DNER: variants seen among roughly 807,000 people sequenced by gnomAD.
DNER encodes delta/notch like EGF repeat containing.
DNER carries 33 observed loss-of-function variants against 78.2 expected under a neutral mutation model. The ratio of observed to expected loss-of-function variants is 0.42; its 90% confidence interval spans 0.32 to 0.56. The LOEUF (loss-of-function observed/expected upper bound fraction) is 0.56, where lower values mean the gene tolerates loss of function less well. DNER is among the 20% of genes least tolerant of loss of function. DNER has a pLI of 0.11. For missense variants in DNER, 918 were observed against 975.3 expected (o/e 0.94, Z 0.78); for synonymous variants, 417 against 384.8 (o/e 1.08, Z -0.98).
At chr2:229,471,454 C>A (rs114216725) in intron 7 of DNER, among the ~76,000 whole-genome samples, 1 of 152,156 alleles carries the variant, frequency 6.6e-6, no homozygotes, top group Admixed American at 6.5e-5. Flanking sequence ...CCCAGGCATT[C>A]CCTAGAGTTA....
rs1310755860 is a variant in DNER at position 229,396,841 on chromosome 2, A to T, written c.1724-8445T>A. Among the ~76,000 whole-genome samples, 3 of 152,194 alleles carry T rather than the reference A, an allele frequency of 2.0e-5. No homozygotes were observed. The East Asian group carries it at 5.8e-4, about 29-fold the overall frequency. ...ACAAAGGGGAAAATTATGCCAGGGC[A>T]ACAAAAAGTACCTCTGAGACTCTGG... On this transcript the variant is annotated intron_variant, in intron 10 of 12. Transcript: ENST00000341772.
chr2:229,514,230 G>C (rs1695926793), intron 5 of DNER, among the ~76,000 whole-genome samples: 1 of 152,098 alleles, frequency 6.6e-6, no homozygotes, highest in Non-Finnish European at 1.5e-5. Flanking sequence ...CTAGGGTTTT[G>C]TTTCCAGTTA....
intron 1 of DNER, among the ~76,000 whole-genome samples, chr2:229,602,525 C>G (rs926369208): frequency 1.3e-5 from 2 of 152,038 alleles, no homozygotes; most frequent in African/African-American, 2.4e-5. Context: ...TAAGGATCCA[C>G]TAAGAAAATA....
At chr2:229,696,870 A>G (rs545955334) in intron 1 of DNER, among the ~76,000 whole-genome samples, 12 of 152,298 alleles carry the variant, frequency 7.9e-5, no homozygotes, top group African/African-American at 2.9e-4. Context: ...GCTGCAAGTA[A>G]CCATCCAGGG....
intron 1 of DNER, among the ~76,000 whole-genome samples, chr2:229,656,879 A>G (rs1698921089): frequency 6.6e-6 from 1 of 152,180 alleles, no homozygotes; most frequent in African/African-American, 2.4e-5. Flanking sequence ...AGAAATTAAA[A>G]TTGTATATAT....
intron 7 of DNER, among the ~76,000 whole-genome samples, chr2:229,465,588 T>TAAAAAAAAAAAAAAAA (rs902988159): frequency 6.6e-6 from 1 of 150,780 alleles, no homozygotes; most frequent in African/African-American, 2.4e-5. Flanking sequence ...AAATAACATT[T>TAAAAAAAAAAAAAAAA]AAAAAAAAAT....
chr2:229,474,849 G>A (rs532133038), intron 7 of DNER, among the ~76,000 whole-genome samples: 4 of 152,008 alleles, frequency 2.6e-5, no homozygotes, highest in South Asian at 2.1e-4. Flanking sequence ...TTCCAAATCC[G>A]TCTGCCTCTC....
At chr2:229,689,429 C>T (rs933680988) in intron 1 of DNER, among the ~76,000 whole-genome samples, 1 of 152,078 alleles carries the variant, frequency 6.6e-6, no homozygotes, top group African/African-American at 2.4e-5. Context: ...TGTTTCTGCA[C>T]ACAATTTATT....
Position 229,566,177 on chromosome 2 carries a change from G to A in DNER, c.848-19085C>T, listed in dbSNP as rs184729438. On this transcript the variant is annotated intron_variant, in intron 4 of 12. Coordinates refer to ENST00000341772, the MANE Select transcript of DNER (RefSeq NM_139072.4). ...GAATCAGGTCTTCAGATGAGCTAAC[G>A]TGAAAAGCTGTTGATTGACATGTTT... Among the ~76,000 whole-genome samples the A allele has an allele frequency of 1.1e-3, 165 of 152,288 alleles. 1 individual carries two copies. The highest frequency in any genetic ancestry group is 2.8e-4 in the Non-Finnish European group (19 of 68,030).
At chr2:229,525,376 G>A (rs938739896) in intron 5 of DNER, among the ~76,000 whole-genome samples, 4 of 152,098 alleles carry the variant, frequency 2.6e-5, no homozygotes, top group Non-Finnish European at 5.9e-5. Flanking sequence ...GCTGACATAA[G>A]GAATCACTGT....
At chr2:229,587,733 C>A (rs1697528805) in intron 3 of DNER, among the ~76,000 whole-genome samples, 1 of 152,018 alleles carries the variant, frequency 6.6e-6, no homozygotes, top group Admixed American at 6.5e-5. Flanking sequence ...GCCTGGGGCA[C>A]CCTAATACTG....
intron 6 of DNER, among the ~76,000 whole-genome samples, chr2:229,489,615 G>T (rs55942296): frequency 0.25 from 38,373 of 151,618 alleles, 5,031 homozygotes; most frequent in South Asian, 0.32. Context: ...GTGCTGAGGT[G>T]AAAGGCTGGG....
chr2:229,656,931 TAAAGTGATTACC>T (rs1698922127), intron 1 of DNER, among the ~76,000 whole-genome samples: 1 of 152,104 alleles, frequency 6.6e-6, no homozygotes. Flanking sequence ...ATATATATTG[TAAAGTGATTACC>T]AAGTCAAGGT....
intron 1 of DNER, among the ~76,000 whole-genome samples, chr2:229,646,594 A>G (rs562511587): frequency 2.0e-5 from 3 of 152,368 alleles, no homozygotes; most frequent in Non-Finnish European, 4.4e-5. Context: ...TGCTCGTTAC[A>G]CAACATTACA....
intron 5 of DNER, among the ~76,000 whole-genome samples, chr2:229,528,945 G>T (rs1229302741): frequency 6.6e-6 from 1 of 152,200 alleles, no homozygotes; most frequent in Non-Finnish European, 1.5e-5. Context: ...TCCTACCAGG[G>T]CATAGCAGTG....
In DNER at chr2:229,370,669, T is replaced by C. The variant is rs574957476; in HGVS notation, c.1856-3550A>G. On this transcript the variant is annotated intron_variant, in intron 11 of 12. Coordinates refer to ENST00000341772, the MANE Select transcript of DNER (RefSeq NM_139072.4). ...CACTTCATTTCCAAGTATTATAACA[T>C]TCTCTAAAAAATTCAGTTGCAGGCA... Among the ~76,000 whole-genome samples the C allele has an allele frequency of 2.0e-5, 3 of 152,292 alleles. No homozygotes were observed. The East Asian group carries it at 5.8e-4, about 29-fold the overall frequency.
At chr2:229,407,146 T>A in intron 10 of DNER, 86 bp downstream of exon 10, 1 of 1,179,948 alleles carries the variant, frequency 8.5e-7, no homozygotes, top group Non-Finnish European at 1.2e-6. Flanking sequence ...CAATATTTTA[T>A]TCATGATGGA....
At chr2:229,513,151 T>C (rs915591629) in intron 5 of DNER, among the ~76,000 whole-genome samples, 2 of 152,258 alleles carry the variant, frequency 1.3e-5, no homozygotes, top group Non-Finnish European at 2.9e-5. Flanking sequence ...TCTTTGTTCA[T>C]ATTTATCCCC....
At chr2:229,598,836 C>T (rs1203894677) in intron 1 of DNER, among the ~76,000 whole-genome samples, 2 of 152,088 alleles carry the variant, frequency 1.3e-5, no homozygotes, top group Admixed American at 6.5e-5. Context: ...TCTGGACACA[C>T]ACCCCTCACG....
Sources: allele counts gnomAD v4.1 joint callset (sites outside exome capture counted in the v4.1 genomes callset), GRCh38; gene constraint gnomAD v4.1.1; transcripts MANE v1.5; gene names NCBI Gene and HGNC (gene_info 2026-07-23, HGNC 2026-07-21).